The following LRP6 variants were observed in gnomAD, a reference collection of about 807,000 sequenced individuals.
The protein encoded by LRP6 is LDL receptor related protein 6, also known as low-density lipoprotein receptor-related protein 6.
In LRP6, 43 loss-of-function variants were observed where a neutral mutation model predicts 184.1. The ratio of observed to expected loss-of-function variants is 0.23; its 90% CI spans 0.18 to 0.30. The LOEUF (loss-of-function observed/expected upper bound fraction) is 0.30. LRP6 is among the 10% of genes least tolerant of loss of function. The pLI, the probability that LRP6 is intolerant of heterozygous loss-of-function variation, is 1.00. For synonymous variants in LRP6, 719 were observed against 684.9 expected, an observed-to-expected ratio of 1.05 and a Z score of -0.78; for missense variants, 1,571 against 2,005.3, an observed-to-expected ratio of 0.78 and a Z score of 4.14.
chr12:12,138,586 C>T, intron 15 of LRP6, 52 bp from the exon 16 acceptor site: 4 of 1,500,226 alleles, frequency 2.7e-6, no homozygotes, highest in Non-Finnish European at 3.7e-6. Context: ...TCAAGTTATA[C>T]TTTTGGTAAT....
chr12:12,134,749 G>T (rs1376938142), intron 17 of LRP6, among the ~76,000 whole-genome samples: 1 of 152,082 alleles, frequency 6.6e-6, no homozygotes, highest in Non-Finnish European at 1.5e-5. Flanking sequence ...TTTGGGAGAG[G>T]GGGGAGGCTA....
intron 3 of LRP6, among the ~76,000 whole-genome samples, chr12:12,188,958 G>A (rs1565622209): frequency 6.6e-6 from 1 of 152,074 alleles, no homozygotes; most frequent in African/African-American, 2.4e-5. Context: ...AAAATAAAGA[G>A]TAGTTAAAAC....
Position 12,181,429 on chromosome 12 carries a change from T to C in LRP6, c.987A>G (p.Glu329=). 8.1e-7 allele frequency: 1 copy of C among 1,239,154 alleles called. No individual in the cohort carries two copies. The highest frequency in any genetic ancestry group is 1.2e-6 in the Non-Finnish European group (1 of 840,106). The allele number at this position is 1,239,154 out of a possible 1,614,324, so 76.8% of individuals were successfully genotyped here. ...NGKTCKDGAT[E]LLLLARRTDL... ...CTGTCCTTCGAGCTAAAAGCAATAA[T>C]TCTGTGGCACCTAGAACAACAAAGT... Residue 329 remains glutamate, a synonymous_variant, in exon 6 of 23, where the codon GAA becomes GAG. Transcript: ENST00000261349.
intron 12 of LRP6, among the ~76,000 whole-genome samples, chr12:12,152,191 A>T (rs1272776806): frequency 6.6e-6 from 1 of 151,904 alleles, no homozygotes; most frequent in Non-Finnish European, 1.5e-5. Flanking sequence ...CTTCTTTCTC[A>T]TTTGTCTCTT....
At chr12:12,253,581 C>T (rs1049360523) in intron 1 of LRP6, among the ~76,000 whole-genome samples, 3 of 137,026 alleles carry the variant, frequency 2.2e-5, no homozygotes, top group Non-Finnish European at 3.1e-5. Context: ...CCCCTCCCCC[C>T]ACCCCACAAC....
At chr12:12,255,898 G>A (rs1015212494) in intron 1 of LRP6, among the ~76,000 whole-genome samples, 3 of 151,990 alleles carry the variant, frequency 2.0e-5, no homozygotes, top group African/African-American at 7.2e-5. Flanking sequence ...TACAGTATAA[G>A]TACTATGACA....
intron 3 of LRP6, among the ~76,000 whole-genome samples, chr12:12,190,026 C>G (rs1863570851): frequency 6.6e-6 from 1 of 152,058 alleles, no homozygotes; most frequent in Non-Finnish European, 1.5e-5. Context: ...ACAAATTAGG[C>G]AGACTTACTA....
At chr12:12,155,242 T>C (rs1442372586) in intron 12 of LRP6, 8 of 727,568 alleles carry the variant, frequency 1.1e-5, no homozygotes, top group East Asian at 1.0e-4. Context: ...AGAACTGCCA[T>C]CTTCCAGTAA....
chr12:12,159,766 G>C lies in LRP6; in HGVS notation c.2464+14C>G, dbSNP rs1464572109. ...AAAGAATATACTGTTTGAGTAAAAA[G>C]TAGTAAAGCTTACCAAGCATATTTG... On this transcript the variant is annotated intron_variant, in intron 11 of 22. Coordinates refer to ENST00000261349, the MANE Select transcript of LRP6 (RefSeq NM_002336.3). The C allele has an allele frequency of 1.2e-6, 2 of 1,612,994 alleles. No homozygotes were observed. Among genetic ancestry groups the C allele is most frequent in the African/African-American group, 1.3e-5 (1 of 74,916 alleles).
chr12:12,136,941 T>C (rs1949849137), intron 16 of LRP6, among the ~76,000 whole-genome samples: 1 of 152,198 alleles, frequency 6.6e-6, no homozygotes, highest in South Asian at 2.1e-4. Context: ...TGTAATAAAA[T>C]ATTCATGTAT....
intron 3 of LRP6, among the ~76,000 whole-genome samples, chr12:12,197,541 C>T (rs557199975): frequency 2.0e-5 from 3 of 152,312 alleles, no homozygotes; most frequent in South Asian, 4.1e-4. Context: ...CTAATAAGCG[C>T]ATACTAGTAA....
intron 2 of LRP6, among the ~76,000 whole-genome samples, chr12:12,214,878 A>AATAACTGAAACTCACC (rs1488944028): frequency 6.6e-6 from 1 of 152,222 alleles, no homozygotes; most frequent in African/African-American, 2.4e-5. Flanking sequence ...CAAAGTATCA[A>AATAACTGAAACTCACC]ATAACTGAAA....
chr12:12,131,147 G>A (rs1004152623), intron 18 of LRP6, among the ~76,000 whole-genome samples: 4 of 116,042 alleles, frequency 3.4e-5, no homozygotes, highest in East Asian at 3.0e-4. Context: ...TTGCTCTGTC[G>A]CCCAGGCTGG....
intron 19 of LRP6, among the ~76,000 whole-genome samples, chr12:12,129,363 C>T (rs984571170): frequency 1.3e-5 from 2 of 152,136 alleles, no homozygotes; most frequent in Non-Finnish European, 2.9e-5. Flanking sequence ...CATGATTGTA[C>T]CTTTACCTAT....
intron 2 of LRP6, among the ~76,000 whole-genome samples, chr12:12,233,643 T>C (rs1243389386): frequency 6.6e-6 from 1 of 152,218 alleles, no homozygotes; most frequent in Non-Finnish European, 1.5e-5. Flanking sequence ...GTTTGGACTC[T>C]GATTTCAAAC....
At position 12,244,571 on chromosome 12, in the gene LRP6, A is replaced by G. The variant is rs1865139027; in HGVS notation, c.140T>C (p.Val47Ala). The G allele has an allele frequency of 2.5e-6, 4 of 1,614,170 alleles. No individual in the cohort carries two copies. The highest frequency in any genetic ancestry group is 2.5e-6 in the Non-Finnish European group (3 of 1,180,006). ...TNGKENATIVVGGLEDAAAVD... is the reference protein window; with the variant it reads ...TNGKENATIVAGGLEDAAAVD... The stretch of plus-strand genomic sequence containing the variant: ...CGCAGCTGCATCCTCCAAGCCTCCA[A>G]CTACAATCGTAGCATTCTCTTTGCC... Residue 47 changes from valine (V) to alanine (A), a missense_variant, in exon 2 of 23, where the codon GTT (valine) becomes GCT (alanine). Coordinates refer to ENST00000261349, the MANE Select transcript of LRP6 (RefSeq NM_002336.3).
chr12:12,133,265 A>C (rs768105459), intron 17 of LRP6, among the ~76,000 whole-genome samples: 44 of 152,222 alleles, frequency 2.9e-4, no homozygotes, highest in Non-Finnish European at 5.0e-4. Flanking sequence ...GTCCCTCCAA[A>C]TCTCATGTTG....
rs1565519252 is a variant in LRP6, at chr12:12,120,023, ATATATATATATATATAT to A, written c.*1086_*1102del. ...TATATATATATATATATATATATAT[ATATATATATATATATAT>A]ATAAATGATTTCGTACTGTGATATA... On this transcript the variant is annotated 3_prime_UTR_variant, in exon 23 of 23. Coordinates refer to ENST00000261349, the MANE Select transcript of LRP6 (RefSeq NM_002336.3). The A allele has an allele frequency of 8.9e-6, 1 of 112,732 alleles. No homozygotes were observed. Among genetic ancestry groups the A allele is most frequent in the African/African-American group, 3.1e-5 (1 of 32,666 alleles). The allele number at this position is 112,732 out of a possible 1,614,324, so 7.0% of individuals were successfully genotyped here. A position where few individuals can be genotyped will look rare whatever the true frequency, so the allele number is the denominator to read the frequency against.
At chr12:12,164,667 G>C in intron 8 of LRP6, 105 bp from the exon 9 acceptor site, 1 of 1,063,956 alleles carries the variant, frequency 9.4e-7, no homozygotes, top group Non-Finnish European at 1.4e-6. Context: ...AAATGCCTAT[G>C]ATTATGTCTT....
Sources: allele counts gnomAD v4.1 joint callset (sites outside exome capture counted in the v4.1 genomes callset), GRCh38; gene constraint gnomAD v4.1.1; transcripts MANE v1.5; gene names NCBI Gene and HGNC (gene_info 2026-07-23, HGNC 2026-07-21).